The following CLCA1 variants were observed in gnomAD, a reference collection of about 807,000 sequenced individuals.
CLCA1 encodes calcium-activated chloride channel regulator 1.
Under a neutral mutation model 85.6 loss-of-function variants are expected in CLCA1, and 59 were observed. That is an observed-to-expected ratio of 0.69 (90% CI 0.56 to 0.86). The LOEUF (loss-of-function observed/expected upper bound fraction) is 0.86. Among genes scored for constraint, CLCA1 ranks in the 40% least tolerant of loss-of-function variants. The pLI is 0.00. For synonymous variants in CLCA1, 396 were observed against 398.3 expected (o/e 0.99, Z 0.07); for missense variants, 1,022 against 1,101.4 (o/e 0.93, Z 1.02).
intron 4 of CLCA1, among the ~76,000 whole-genome samples, chr1:86,480,841 TA>T (rs1290274495): frequency 6.6e-6 from 1 of 152,052 alleles, no homozygotes; most frequent in Non-Finnish European, 1.5e-5. Context: ...CATATCAAAT[TA>T]AAAAAAGTCT....
intron 1 of CLCA1, among the ~76,000 whole-genome samples, chr1:86,471,643 A>G (rs1444879978): frequency 6.6e-6 from 1 of 152,184 alleles, no homozygotes; most frequent in Non-Finnish European, 1.5e-5. Context: ...GTTTTTGGTG[A>G]TCTTGGCTCA....
Position 86,494,268 on chromosome 1 carries a change from C to T in CLCA1, c.1762C>T (p.Leu588=). 1 of 1,614,186 alleles carries T rather than the reference C, an allele frequency of 6.2e-7. No homozygotes were observed. Among genetic ancestry groups the T allele is most frequent in the Non-Finnish European group, 8.5e-7 (1 of 1,180,024 alleles). Residue 588 remains leucine (L), a synonymous_variant, in exon 11 of 14, where the codon CTG becomes TTG. Coordinates refer to ENST00000394711, the MANE Select transcript of CLCA1 (RefSeq NM_001285.4). ...TVTSRASNAT[L]PPITVTSKTN... is the part of the protein sequence containing the mutation. Reference sequence around the variant, plus strand: ...CACGTCCCGTGCGTCCAATGCTACCCTGCCTCCAATTACAGTGACTTCCAA... The same window carrying T: ...CACGTCCCGTGCGTCCAATGCTACCTTGCCTCCAATTACAGTGACTTCCAA...
At chr1:86,494,942 A>C (rs1648233928) in intron 11 of CLCA1, among the ~76,000 whole-genome samples, 1 of 151,878 alleles carries the variant, frequency 6.6e-6, no homozygotes, top group Non-Finnish European at 1.5e-5. Flanking sequence ...ATCTATGCAG[A>C]CTCTATATTA....
chr1:86,498,185 A>AGGAAGGAAGGAT (rs756756806), intron 12 of CLCA1, among the ~76,000 whole-genome samples: 1 of 126,202 alleles, frequency 7.9e-6, no homozygotes, highest in Non-Finnish European at 1.6e-5. Flanking sequence ...GAAGGAAGGA[A>AGGAAGGAAGGAT]GGATGGAAGG....
At chr1:86,491,106 C>T (rs1648123581) in intron 8 of CLCA1, among the ~76,000 whole-genome samples, 159 bp from the exon 9 acceptor site, 1 of 151,796 alleles carries the variant, frequency 6.6e-6, no homozygotes. Flanking sequence ...AAAATACTAT[C>T]AAATTCTGAG....
At chr1:86,482,459 A>G in intron 5 of CLCA1, 77 bp downstream of exon 5, 1 of 1,354,144 alleles carries the variant, frequency 7.4e-7, no homozygotes, top group Non-Finnish European at 1.0e-6. Flanking sequence ...GCTCCAAGGG[A>G]GAATCAAAGT....
chr1:86,495,447 G>A (rs1648250612), intron 11 of CLCA1, 58 bp from the exon 12 acceptor site: 2 of 1,399,760 alleles, frequency 1.4e-6, no homozygotes, highest in Non-Finnish European at 2.0e-6. Context: ...ATATGAGTTG[G>A]AAATATACAA....
At chr1:86,470,422 G>C (rs1647470764) in intron 1 of CLCA1, among the ~76,000 whole-genome samples, 1 of 152,196 alleles carries the variant, frequency 6.6e-6, no homozygotes, top group Admixed American at 6.5e-5. Context: ...CAGCAAACAT[G>C]TGACCAGTGT....
At position 86,473,457 on chromosome 1, in the gene CLCA1, C is replaced by T. The variant is rs1006970208; in HGVS notation, c.203C>T (p.Thr68Ile). 6.8e-6 allele frequency: 11 copies of T among 1,608,826 alleles called. No individual in the cohort carries two copies. Among genetic ancestry groups the T allele is most frequent in the Non-Finnish European group, 9.4e-6 (11 of 1,175,708 alleles). The change falls in exon 2 of 14, where the codon ACA (threonine) becomes ATA (isoleucine). Residue 68 changes from threonine (T) to isoleucine (I), a missense_variant. Coordinates refer to ENST00000394711, the MANE Select transcript of CLCA1 (RefSeq NM_001285.4). ...GCATCTCTGTATCTGCTTGAAGCTACAGGAAAGCGATTTTATTTCAAAAAT... is the reference window on the plus strand; with the variant it reads ...GCATCTCTGTATCTGCTTGAAGCTATAGGAAAGCGATTTTATTTCAAAAAT... The part of the protein sequence containing the change: ...TQASLYLLEA[T>I]GKRFYFKNVA...
rs114342567 is a variant in CLCA1 at position 86,490,129 on chromosome 1, G to T, written c.1357+959G>T. ...CAGGAGGGTGGCCTTTTGCACCATT[G>T]TGTCTATCAGTCTTTGGCTGTGGAC... is the stretch of plus-strand genomic sequence containing the variant. On this transcript the variant is annotated intron_variant, in intron 8 of 13. Coordinates refer to ENST00000394711, the MANE Select transcript of CLCA1 (RefSeq NM_001285.4). Among the ~76,000 whole-genome samples the T allele has an allele frequency of 3.8e-3, 585 of 152,314 alleles. 3 individuals are homozygous for T. The highest frequency in any genetic ancestry group is 0.013 in the African/African-American group (544 of 41,558).
Position 86,494,379 on chromosome 1 carries a change from A to T in CLCA1, c.1873A>T (p.Ser625Cys), listed in dbSNP as rs557341333. Residue 625 changes from serine to cysteine, a missense_variant, in exon 11 of 14, where the codon AGT (serine) becomes TGT (cysteine). Physicochemically the swap from Ser to Cys is moderately radical, Grantham distance 112. Coordinates refer to ENST00000394711, the MANE Select transcript of CLCA1 (RefSeq NM_001285.4). ...AGGAGCCTCCCCAATTCTCAGGGCC[A>T]GTGTCACAGCCCTGATTGAATCAGT... ...RQGASPILRA[S>C]VTALIESVNG... 6.2e-7 allele frequency: 1 copy of T among 1,613,962 alleles called. No individual in the cohort carries two copies. Among genetic ancestry groups the T allele is most frequent in the South Asian group, 1.1e-5 (1 of 91,086 alleles).
chr1:86,482,064 C>A (rs1321695), intron 4 of CLCA1, 141 bp from the exon 5 acceptor site: 292,374 of 626,108 alleles, frequency 0.47, 68,813 homozygotes, highest in Middle Eastern at 0.56. Context: ...CAATTTAACA[C>A]TTTTGCTATG....
chr1:86,494,250 C>T lies in CLCA1; in HGVS notation c.1744C>T (p.Arg582Cys), dbSNP rs1389741825. 4 of 1,614,200 alleles carry T rather than the reference C, an allele frequency of 2.5e-6. No individual in the cohort carries two copies. Among genetic ancestry groups the T allele is most frequent in the South Asian group, 1.1e-5 (1 of 91,082 alleles). Reference protein sequence around the residue: ...SQTLTLTVTSRASNATLPPIT... With the variant: ...SQTLTLTVTSCASNATLPPIT... Reference sequence around the variant, plus strand: ...AACCTTGACCCTGACTGTCACGTCCCGTGCGTCCAATGCTACCCTGCCTCC... The same window carrying T: ...AACCTTGACCCTGACTGTCACGTCCTGTGCGTCCAATGCTACCCTGCCTCC... Residue 582 changes from arginine (R) to cysteine (C), a missense_variant, in exon 11 of 14, where the codon CGT becomes TGT. Transcript: ENST00000394711.
At position 86,498,598 on chromosome 1, in the gene CLCA1, C is replaced by A. The variant is rs773071476; in HGVS notation, c.2140C>A (p.Pro714Thr). Reference protein sequence around the residue: ...NDEIQWNPPRPEINKDDVQHK... With the variant: ...NDEIQWNPPRTEINKDDVQHK... Reference sequence around the variant, plus strand: ...TGAAATACAATGGAATCCACCAAGACCTGAAATTAATAAGGATGATGTTCA... The same window carrying A: ...TGAAATACAATGGAATCCACCAAGAACTGAAATTAATAAGGATGATGTTCA... Residue 714 changes from proline (P) to threonine (T), a missense_variant, in exon 13 of 14, where the codon CCT becomes ACT. By Grantham distance (38) the Pro-to-Thr change is conservative (BLOSUM62 -1). Transcript: ENST00000394711. 6.2e-6 allele frequency: 10 copies of A among 1,613,356 alleles called. No individual in the cohort carries two copies. In the African/African-American group the frequency reaches 1.3e-4, roughly 22 times the overall value.
At chr1:86,479,550 T>C (rs2734694) in intron 4 of CLCA1, among the ~76,000 whole-genome samples, 52,390 of 152,016 alleles carry the variant, frequency 0.34, 9,286 homozygotes, top group East Asian at 0.48. Context: ...AAGGGAATTC[T>C]TACTTTTCAA....
At position 86,476,105 on chromosome 1, in the gene CLCA1, C is replaced by T. The variant is rs189848297; in HGVS notation, c.452-343C>T. ...GTAGGAATGCCTGGGCTCCCATAGCCGCCTTTGCTGACCTCTGTCATCATA... is the reference window on the plus strand; with the variant it reads ...GTAGGAATGCCTGGGCTCCCATAGCTGCCTTTGCTGACCTCTGTCATCATA... On this transcript the variant is annotated intron_variant, in intron 3 of 13. Coordinates refer to ENST00000394711, the MANE Select transcript of CLCA1 (RefSeq NM_001285.4). Among the ~76,000 whole-genome samples, 124 of 152,240 alleles carry T rather than the reference C, an allele frequency of 8.1e-4. 1 individual carries two copies. The highest frequency in any genetic ancestry group is 2.9e-3 in the African/African-American group (121 of 41,536).
chr1:86,486,179 A>G (rs944521867), intron 6 of CLCA1, among the ~76,000 whole-genome samples: 3 of 152,180 alleles, frequency 2.0e-5, no homozygotes, highest in Non-Finnish European at 2.9e-5. Flanking sequence ...CTCCCTCGAC[A>G]TGTGGGGATT....
chr1:86,498,582 A>G lies in CLCA1; in HGVS notation c.2124A>G (p.Gln708=), dbSNP rs748795935. 10 of 1,613,370 alleles carry G rather than the reference A, an allele frequency of 6.2e-6. No homozygotes were observed. The highest frequency in any genetic ancestry group is 2.2e-5 in the East Asian group (1 of 44,860). The change falls in exon 13 of 14, where the codon CAA becomes CAG. Residue 708 remains glutamine, a synonymous_variant. Transcript: ENST00000394711. Reference sequence around the variant, plus strand: ...ATTTTTTTAATGCAGATGAAATACAATGGAATCCACCAAGACCTGAAATTA... The same window carrying G: ...ATTTTTTTAATGCAGATGAAATACAGTGGAATCCACCAAGACCTGAAATTA... ...IPGWIENDEI[Q]WNPPRPEINK... is the part of the protein sequence containing the mutation.
intron 1 of CLCA1, among the ~76,000 whole-genome samples, chr1:86,469,565 C>T (rs1161260445): frequency 2.6e-5 from 4 of 152,102 alleles, no homozygotes; most frequent in Admixed American, 2.6e-4. Flanking sequence ...AAAAGGAGCC[C>T]CAGATGCAAA....
Sources: gnomAD v4.1 joint callset for allele counts (sites outside exome capture counted in the v4.1 genomes callset) on GRCh38, gnomAD v4.1.1 for gene constraint, MANE v1.5 for transcripts, NCBI Gene and HGNC (gene_info 2026-07-23, HGNC 2026-07-21) for gene names.